CCDC171: variants seen among roughly 807,000 people sequenced by gnomAD.
The protein encoded by CCDC171 is coiled-coil domain-containing protein 171.
CCDC171 carries 177 observed loss-of-function variants against 168.2 expected under a neutral mutation model. The observed-to-expected ratio is 1.05, with a 90% CI of 0.93 to 1.19. The LOEUF (loss-of-function observed/expected upper bound fraction) is 1.19. Ranked by LOEUF, CCDC171 falls within the 50% of genes most tolerant of loss-of-function variation. The pLI, the probability that CCDC171 is intolerant of heterozygous loss-of-function variation, is 0.00. For synonymous variants in CCDC171, 687 were observed against 540.8 expected (o/e 1.27, Z -3.75); for missense variants, 1,991 against 1,539.0 (o/e 1.29, Z -4.91).
At chr9:15,883,863 A>G (rs1312900826) in intron 24 of CCDC171, among the ~76,000 whole-genome samples, 2 of 152,198 alleles carry the variant, frequency 1.3e-5, no homozygotes, top group African/African-American at 4.8e-5. Flanking sequence ...TTTTCTTAAT[A>G]GGAAAAAATA....
intron 24 of CCDC171, among the ~76,000 whole-genome samples, chr9:15,899,854 T>A (rs1318412005): frequency 6.6e-6 from 1 of 152,192 alleles, no homozygotes; most frequent in Non-Finnish European, 1.5e-5. Flanking sequence ...ATGAATAGTT[T>A]CTGATGAAGT....
rs186157042 is a variant in CCDC171 at position 15,813,926 on chromosome 9, A to G, written c.3267+29232A>G. Among the ~76,000 whole-genome samples the G allele has an allele frequency of 2.2e-3, 336 of 152,286 alleles. 2 individuals are homozygous for G. Among genetic ancestry groups the G allele is most frequent in the Admixed American group, 6.9e-3 (105 of 15,292 alleles). On this transcript the variant is annotated intron_variant, in intron 21 of 25. Transcript: ENST00000380701. ...AGTAATAGGATCACTTTGTATTTGC[A>G]TATAAGGTGAAATAAGAAGAGGTCA...
chr9:15,834,874 T>C (rs2060375158), intron 21 of CCDC171, among the ~76,000 whole-genome samples: 1 of 152,216 alleles, frequency 6.6e-6, no homozygotes, highest in Non-Finnish European at 1.5e-5. Flanking sequence ...TTTATCTTAT[T>C]TTAGGAGTAA....
chr9:15,708,409 T>C (rs977268949), intron 11 of CCDC171, among the ~76,000 whole-genome samples: 1 of 152,224 alleles, frequency 6.6e-6, no homozygotes, highest in African/African-American at 2.4e-5. Context: ...ACTTATCCTA[T>C]GACAGTAGAC....
At chr9:16,059,635 C>T (rs201495526) in intron 1 of CCDC171, among the ~76,000 whole-genome samples, 1 of 149,870 alleles carries the variant, frequency 6.7e-6, no homozygotes, top group East Asian at 1.9e-4. Context: ...CTGCCTCAGC[C>T]TCCCGAGTAG....
the CCDC171 span, among the ~76,000 whole-genome samples, chr9:16,095,372 T>C: frequency 6.6e-6 from 1 of 152,166 alleles, no homozygotes; most frequent in East Asian, 1.9e-4. Context: ...GAACAGATCT[T>C]ATTTTCCACC....
intron 1 of CCDC171, among the ~76,000 whole-genome samples, chr9:15,556,194 G>A (rs145116364): frequency 0.061 from 9,232 of 152,120 alleles, 365 homozygotes; most frequent in African/African-American, 0.11. Flanking sequence ...CTGCCGAGAG[G>A]TCCGCTGTTA....
intron 6 of CCDC171, among the ~76,000 whole-genome samples, chr9:15,603,375 A>T (rs2043000616): frequency 6.6e-6 from 1 of 152,090 alleles, no homozygotes; most frequent in African/African-American, 2.4e-5. Flanking sequence ...CTCAGCTTGC[A>T]TAGCTGTTTT....
chr9:16,106,949 C>T, the CCDC171 span, among the ~76,000 whole-genome samples: 1 of 152,144 alleles, frequency 6.6e-6, no homozygotes, highest in South Asian at 2.1e-4. Flanking sequence ...CCGGGGGACC[C>T]AGGCTGCCTC....
intron 16 of CCDC171, 75 bp from the exon 17 acceptor site, chr9:15,744,198 T>C: frequency 1.6e-6 from 2 of 1,271,266 alleles, no homozygotes; most frequent in Non-Finnish European, 2.1e-6. Context: ...AAAGTTTGTT[T>C]TCTTTGAGTA....
At chr9:15,636,749 CAAAAAA>C (rs35778640) in intron 7 of CCDC171, among the ~76,000 whole-genome samples, 2 of 64,688 alleles carry the variant, frequency 3.1e-5, no homozygotes, top group Non-Finnish European at 2.8e-5. Flanking sequence ...GACCCTGCCT[CAAAAAA>C]AAAAAAAAAA....
chr9:15,967,059 G>A (rs1031147809), intron 25 of CCDC171, among the ~76,000 whole-genome samples: 1 of 152,096 alleles, frequency 6.6e-6, no homozygotes, highest in Admixed American at 6.6e-5. Context: ...TGCCAACTCT[G>A]GCTGTCTGTA....
At chr9:15,859,142 A>G (rs984420327) in intron 23 of CCDC171, among the ~76,000 whole-genome samples, 2 of 152,014 alleles carry the variant, frequency 1.3e-5, no homozygotes, top group Non-Finnish European at 2.9e-5. Context: ...TTATGCATCT[A>G]TTGATTGTGT....
chr9:15,900,835 A>G lies in CCDC171; in HGVS notation c.3601-19435A>G, dbSNP rs529341778. 7.2e-5 allele frequency among the ~76,000 whole-genome samples: 11 copies of G among 152,186 alleles called. 1 individual carries two copies. The South Asian group carries it at 2.3e-3, about 32-fold the overall frequency. On this transcript the variant is annotated intron_variant, in intron 24 of 25. Coordinates refer to ENST00000380701, the MANE Select transcript of CCDC171 (RefSeq NM_173550.4). Reference sequence around the variant, plus strand: ...TTTCCTGATTCTAGGGTCCTTACTCATGGTTTTTGTTTCTGGGGACAAACC... The same window carrying G: ...TTTCCTGATTCTAGGGTCCTTACTCGTGGTTTTTGTTTCTGGGGACAAACC...
intron 7 of CCDC171, among the ~76,000 whole-genome samples, chr9:15,638,966 C>A (rs1000604296): frequency 6.6e-6 from 1 of 151,968 alleles, no homozygotes; most frequent in African/African-American, 2.4e-5. Context: ...TCTGAGAGAA[C>A]TGAAGAATCT....
In CCDC171 at chr9:16,037,069, A is replaced by T. The variant is rs1833484221; in HGVS notation, n.1181+863A>T. On this transcript the variant is annotated intron_variant and non_coding_transcript_variant, in intron 8 of 9. Coordinates refer to the CCDC171 transcript ENST00000486641. ...ACAGCTAGATAGAAGAATAAGTTCTAATGTTCTATAGCATTGTAGGATAAC... is the reference window on the plus strand; with the variant it reads ...ACAGCTAGATAGAAGAATAAGTTCTTATGTTCTATAGCATTGTAGGATAAC... Among the ~76,000 whole-genome samples, 3 of 152,234 alleles carry T rather than the reference A, an allele frequency of 2.0e-5. No individual in the cohort carries two copies. The South Asian group carries it at 6.2e-4, about 32-fold the overall frequency.
the CCDC171 span, among the ~76,000 whole-genome samples, chr9:16,094,658 A>G: frequency 6.6e-6 from 1 of 152,236 alleles, no homozygotes; most frequent in Admixed American, 6.5e-5. Flanking sequence ...CTATGTTAAC[A>G]TTCAGAGGAC....
chr9:15,752,545 A>G (rs1194455093), intron 18 of CCDC171, among the ~76,000 whole-genome samples: 2 of 152,210 alleles, frequency 1.3e-5, no homozygotes, highest in Admixed American at 6.5e-5. Context: ...TATGTACACC[A>G]TGGAATACTA....
chr9:15,986,406 A>G (rs16933886), intron 3 of CCDC171, among the ~76,000 whole-genome samples: 1,882 of 152,308 alleles, frequency 0.012, 42 homozygotes, highest in African/African-American at 0.043. Context: ...GAGGGATGCC[A>G]TAAGACACTT....
Sources: allele counts gnomAD v4.1 joint callset (sites outside exome capture counted in the v4.1 genomes callset), GRCh38; gene constraint gnomAD v4.1.1; transcripts MANE v1.5; gene names NCBI Gene and HGNC (gene_info 2026-07-23, HGNC 2026-07-21).